CSMD1: variants seen among roughly 807,000 people sequenced by gnomAD.
CSMD1 encodes CUB and Sushi multiple domains 1.
A neutral mutation model predicts 417.5 loss-of-function variants in CSMD1; 213 were observed. The observed-to-expected ratio is 0.51, with a 90% CI of 0.46 to 0.57. CSMD1 has a LOEUF of 0.57. CSMD1 is among the 20% of genes least tolerant of loss of function. The probability of loss-of-function intolerance (pLI) is 0.00; values close to 1 mark genes in which losing one functional copy is unlikely to be tolerated. For missense variants in CSMD1, 6,923 were observed against 4,529.7 expected (o/e 1.53, Z -15.17); for synonymous variants, 2,862 against 1,736.8 (o/e 1.65, Z -16.11).
rs1276979097 is a variant in CSMD1 at position 3,846,551 on chromosome 8, T to C, written c.819-92509A>G. On this transcript the variant is annotated intron_variant, in intron 5 of 69. Coordinates refer to ENST00000635120, the MANE Select transcript of CSMD1 (RefSeq NM_033225.6). Reference sequence around the variant, plus strand: ...TGGGTGGATTAATTGGGCTAGAGCATATGAAATGTTTGACTTTAGATTAAG... The same window carrying C: ...TGGGTGGATTAATTGGGCTAGAGCACATGAAATGTTTGACTTTAGATTAAG... 3.9e-5 allele frequency among the ~76,000 whole-genome samples: 6 copies of C among 152,248 alleles called. No homozygotes were observed. The South Asian group carries it at 1.2e-3, about 31-fold the overall frequency.
intron 1 of CSMD1, among the ~76,000 whole-genome samples, chr8:4,879,600 A>T (rs1306585140): frequency 6.6e-6 from 1 of 152,094 alleles, no homozygotes; most frequent in Non-Finnish European, 1.5e-5. Flanking sequence ...GAAAATAAGG[A>T]GACTGTAGTT....
intron 1 of CSMD1, among the ~76,000 whole-genome samples, chr8:4,836,724 C>G (rs751143687): frequency 9.2e-5 from 14 of 152,008 alleles, no homozygotes; most frequent in Non-Finnish European, 2.1e-4. Context: ...AAAGAAGTCA[C>G]AAGGTCTAAA....
chr8:4,915,623 TAGCAGTTCCC>T (rs2117111825), intron 1 of CSMD1, among the ~76,000 whole-genome samples: 1 of 152,318 alleles, frequency 6.6e-6, no homozygotes, highest in Non-Finnish European at 1.5e-5. Flanking sequence ...AACTCTGGGC[TAGCAGTTCCC>T]AACCTTCACA....
At chr8:3,594,087 A>G (rs1361466743) in intron 8 of CSMD1, among the ~76,000 whole-genome samples, 3 of 152,136 alleles carry the variant, frequency 2.0e-5, no homozygotes, top group Admixed American at 2.0e-4. Flanking sequence ...CCAATATCTA[A>G]TATTCTTCAG....
chr8:2,977,929 A>T (rs997618501), intron 55 of CSMD1, among the ~76,000 whole-genome samples: 5 of 152,152 alleles, frequency 3.3e-5, no homozygotes, highest in African/African-American at 1.2e-4. Flanking sequence ...GAAACAACAG[A>T]TGCTGGCGAG....
chr8:3,330,037 A>C (rs1806791313), intron 23 of CSMD1, among the ~76,000 whole-genome samples: 1 of 152,194 alleles, frequency 6.6e-6, no homozygotes, highest in Non-Finnish European at 1.5e-5. Context: ...ACTGTATAAG[A>C]AGCTCAAGCC....
chr8:4,369,128 A>G (rs145584290), intron 3 of CSMD1, among the ~76,000 whole-genome samples: 18 of 152,176 alleles, frequency 1.2e-4, no homozygotes, highest in Admixed American at 4.6e-4. Flanking sequence ...TGTTTCCCAG[A>G]GATTCTGGTA....
chr8:3,773,275 G>T (rs1445226146), intron 5 of CSMD1, among the ~76,000 whole-genome samples: 11 of 152,158 alleles, frequency 7.2e-5, no homozygotes, highest in Non-Finnish European at 8.8e-5. Flanking sequence ...ATAATTTGGG[G>T]ATATAATAGG....
At chr8:4,567,362 G>A (rs978270915) in intron 2 of CSMD1, among the ~76,000 whole-genome samples, 1 of 152,272 alleles carries the variant, frequency 6.6e-6, no homozygotes, top group East Asian at 1.9e-4. Flanking sequence ...GCACTTGGAA[G>A]AGACCTCTGT....
intron 2 of CSMD1, among the ~76,000 whole-genome samples, chr8:4,439,785 G>A (rs750173949): frequency 1.3e-5 from 2 of 152,154 alleles, no homozygotes; most frequent in Admixed American, 6.5e-5. Flanking sequence ...CCTACAAATA[G>A]TGACTTTGAG....
intron 20 of CSMD1, among the ~76,000 whole-genome samples, chr8:3,361,293 T>C (rs1257608751): frequency 6.6e-6 from 1 of 152,102 alleles, no homozygotes; most frequent in Non-Finnish European, 1.5e-5. Context: ...ATATACTGTG[T>C]GCACTCAATT....
intron 3 of CSMD1, among the ~76,000 whole-genome samples, chr8:4,375,013 G>T (rs564541616): frequency 6.6e-6 from 1 of 150,622 alleles, no homozygotes; most frequent in African/African-American, 2.4e-5. Flanking sequence ...AGTGGGGACA[G>T]GGCAGGGAGC....
intron 1 of CSMD1, among the ~76,000 whole-genome samples, chr8:4,683,492 CA>C (rs1252176268): frequency 6.6e-6 from 1 of 152,112 alleles, no homozygotes; most frequent in Non-Finnish European, 1.5e-5. Flanking sequence ...GAGTGGACAA[CA>C]GGGGAGGCTA....
chr8:4,333,173 CG>C (rs1799974158), intron 3 of CSMD1, among the ~76,000 whole-genome samples: 1 of 152,074 alleles, frequency 6.6e-6, no homozygotes, highest in South Asian at 2.1e-4. Flanking sequence ...AAAAATCCTT[CG>C]CAAGTTGGGA....
intron 63 of CSMD1, among the ~76,000 whole-genome samples, chr8:2,956,711 C>A (rs1803036488): frequency 1.3e-5 from 2 of 152,238 alleles, no homozygotes; most frequent in South Asian, 4.1e-4. Flanking sequence ...CTGCCTCGGC[C>A]TCCCAAAATG....
At chr8:4,353,568 A>G (rs1015142251) in intron 3 of CSMD1, among the ~76,000 whole-genome samples, 3 of 152,066 alleles carry the variant, frequency 2.0e-5, no homozygotes, top group African/African-American at 4.8e-5. Context: ...GATCACGAAT[A>G]AAGCCCAAAG....
rs534549223 is a variant in CSMD1, at chr8:3,078,657, G to A, written c.7474+8440C>T. On this transcript the variant is annotated intron_variant, in intron 49 of 69. Coordinates refer to ENST00000635120, the MANE Select transcript of CSMD1 (RefSeq NM_033225.6). ...TGAAAAACTTAAAGACAAAGAATAT[G>A]CCACTGAGACTGCATATGATCCCCA... Among the ~76,000 whole-genome samples, 24 of 152,234 alleles carry A rather than the reference G, an allele frequency of 1.6e-4. No individual in the cohort carries two copies. In the South Asian group the frequency reaches 5.0e-3, roughly 32 times the overall value.
intron 1 of CSMD1, among the ~76,000 whole-genome samples, chr8:4,643,405 T>C (rs545179753): frequency 6.6e-6 from 1 of 152,378 alleles, no homozygotes; most frequent in African/African-American, 2.4e-5. Flanking sequence ...TCTTTCATTT[T>C]TGACATTTTT....
rs1162785090 is a variant in CSMD1, at chr8:3,723,403, G to C, written c.932-14912C>G. On this transcript the variant is annotated intron_variant, in intron 6 of 69. Transcript: ENST00000635120. ...AGCCATAAGCTAATCATAGGACAGA[G>C]AACACATCATATTCACTCAAGGAGG... is the stretch of plus-strand genomic sequence containing the variant. Among the ~76,000 whole-genome samples, 4 of 152,190 alleles carry C rather than the reference G, an allele frequency of 2.6e-5. No individual in the cohort carries two copies. The East Asian group carries it at 7.7e-4, about 29-fold the overall frequency.
Sources: gnomAD v4.1 joint callset for allele counts (sites outside exome capture counted in the v4.1 genomes callset) on GRCh38, gnomAD v4.1.1 for gene constraint, MANE v1.5 for transcripts, NCBI Gene and HGNC (gene_info 2026-07-23, HGNC 2026-07-21) for gene names.